Variants in EPM2A observed in about 807,000 individuals in gnomAD.
EPM2A encodes the protein laforin.
Under a neutral mutation model 26.5 loss-of-function variants are expected in EPM2A, and 21 were observed. The ratio of observed to expected loss-of-function variants is 0.79; its 90% CI spans 0.56 to 1.14. The LOEUF (loss-of-function observed/expected upper bound fraction) is 1.14, where lower values mean the gene tolerates loss of function less well. EPM2A is among the 50% of genes most tolerant of loss of function. The pLI is 0.00. For synonymous variants in EPM2A, 217 were observed against 177.6 expected (o/e 1.22, Z -1.76); for missense variants, 458 against 440.8 (o/e 1.04, Z -0.35).
intron 1 of EPM2A, among the ~76,000 whole-genome samples, chr6:145,703,777 T>C (rs1450526120): frequency 6.6e-6 from 1 of 152,216 alleles, no homozygotes; most frequent in Non-Finnish European, 1.5e-5. Flanking sequence ...CAAGTATACT[T>C]TTCTTATTTA....
intron 2 of EPM2A, among the ~76,000 whole-genome samples, chr6:145,584,744 G>T (rs1781165775): frequency 6.6e-6 from 1 of 152,036 alleles, no homozygotes; most frequent in Non-Finnish European, 1.5e-5. Flanking sequence ...GTGTTCAGTA[G>T]CCCCACACAG....
intron 4 of EPM2A, among the ~76,000 whole-genome samples, chr6:145,394,401 A>G (rs140786539): frequency 1.7e-3 from 255 of 152,236 alleles, no homozygotes; most frequent in African/African-American, 5.9e-3. Context: ...TAACACTGAT[A>G]TCTGTCTGAT....
At chr6:145,620,378 C>T (rs1775607458), downstream of EPM2A, among the ~76,000 whole-genome samples, 1 of 152,088 alleles carries the variant, frequency 6.6e-6, no homozygotes, top group Non-Finnish European at 1.5e-5. Flanking sequence ...ACTGACCTGC[C>T]ACTCACTTCC....
chr6:145,586,125 C>T (rs1280061700), intron 2 of EPM2A, among the ~76,000 whole-genome samples: 6 of 152,198 alleles, frequency 3.9e-5, no homozygotes, highest in African/African-American at 1.4e-4. Flanking sequence ...GTTCTACCTT[C>T]CCGGGTTACA....
At chr6:145,514,208 C>G (rs1275434410) in intron 2 of EPM2A, among the ~76,000 whole-genome samples, 1 of 152,184 alleles carries the variant, frequency 6.6e-6, no homozygotes, top group African/African-American at 2.4e-5. Context: ...TTCCACTTCA[C>G]TAGAGGCAGT....
At chr6:145,667,980 C>T (rs1779349355) in intron 2 of EPM2A, among the ~76,000 whole-genome samples, 1 of 139,326 alleles carries the variant, frequency 7.2e-6, no homozygotes, top group Admixed American at 7.9e-5. Context: ...CACATGGACA[C>T]ATGAAGGGGA....
chr6:145,515,137 A>G (rs1780107782), intron 2 of EPM2A, among the ~76,000 whole-genome samples: 1 of 152,200 alleles, frequency 6.6e-6, no homozygotes, highest in African/African-American at 2.4e-5. Context: ...CAAGAAGGGT[A>G]TGGGTATTGT....
chr6:145,624,129 C>T (rs185826767), downstream of EPM2A, among the ~76,000 whole-genome samples: 1 of 152,202 alleles, frequency 6.6e-6, no homozygotes. Flanking sequence ...TCTTCTTTTT[C>T]TAGCAGGTAC....
intron 4 of EPM2A, among the ~76,000 whole-genome samples, chr6:145,438,817 G>A (rs1021112869): frequency 7.9e-5 from 12 of 152,088 alleles, no homozygotes; most frequent in Non-Finnish European, 1.2e-4. Flanking sequence ...TTTAGGTTCA[G>A]GGGCACATTT....
intron 4 of EPM2A, among the ~76,000 whole-genome samples, chr6:145,431,945 G>C (rs1050096671): frequency 2.6e-5 from 4 of 152,146 alleles, no homozygotes; most frequent in African/African-American, 9.7e-5. Context: ...TATAAATGAT[G>C]CTCAGAGCAT....
intron 4 of EPM2A, among the ~76,000 whole-genome samples, chr6:145,488,065 T>C (rs1203878716): frequency 1.5e-5 from 2 of 130,186 alleles, no homozygotes; most frequent in Non-Finnish European, 3.4e-5. Context: ...CACCATTTAT[T>C]GAATAGGGAA....
chr6:145,542,832 C>T (rs1780532165), intron 2 of EPM2A, among the ~76,000 whole-genome samples: 1 of 152,184 alleles, frequency 6.6e-6, no homozygotes, highest in Admixed American at 6.5e-5. Flanking sequence ...AATCTCGGCT[C>T]ACCGCAACCT....
chr6:145,415,959 T>C (rs13215809), intron 4 of EPM2A, among the ~76,000 whole-genome samples: 18,206 of 152,206 alleles, frequency 0.12, 1,155 homozygotes, highest in South Asian at 0.24. Context: ...GACACAGTCA[T>C]ATGCTTCTTG....
chr6:145,730,186 G>C (rs189300894), intron 1 of EPM2A, among the ~76,000 whole-genome samples: 1 of 152,242 alleles, frequency 6.6e-6, no homozygotes, highest in Admixed American at 6.5e-5. Context: ...CCCAATCTCA[G>C]CTACTTCTTT....
chr6:145,681,901 C>T (rs702312), intron 2 of EPM2A, among the ~76,000 whole-genome samples: 151,785 of 152,236 alleles, frequency 1, 75,669 homozygotes, highest in Middle Eastern at 1. Context: ...GTCCTATTTT[C>T]ATACCCCATG....
chr6:145,572,997 A>G (rs1780980711), intron 2 of EPM2A, among the ~76,000 whole-genome samples: 1 of 152,206 alleles, frequency 6.6e-6, no homozygotes, highest in Non-Finnish European at 1.5e-5. Context: ...CTTAGAAGGA[A>G]TATCTCAACA....
At chr6:145,534,463 G>C (rs1467744208) in intron 2 of EPM2A, among the ~76,000 whole-genome samples, 1 of 152,234 alleles carries the variant, frequency 6.6e-6, no homozygotes, top group Non-Finnish European at 1.5e-5. Flanking sequence ...GAGGAATTAA[G>C]AGATAATTGA....
At chr6:145,398,789 G>C (rs1413234363) in intron 4 of EPM2A, among the ~76,000 whole-genome samples, 2 of 151,452 alleles carry the variant, frequency 1.3e-5, no homozygotes, top group Admixed American at 6.6e-5. Flanking sequence ...TAACCCAGAA[G>C]GGAGAGGTTG....
chr6:145,650,589 C>G (rs913047211), intron 2 of EPM2A, among the ~76,000 whole-genome samples: 2 of 151,876 alleles, frequency 1.3e-5, no homozygotes, highest in African/African-American at 4.8e-5. Flanking sequence ...ATAATTACTA[C>G]TATTAATCAA....
Sources: allele counts gnomAD v4.1 joint callset (sites outside exome capture counted in the v4.1 genomes callset), GRCh38; gene constraint gnomAD v4.1.1; transcripts MANE v1.5; gene names NCBI Gene and HGNC (gene_info 2026-07-23, HGNC 2026-07-21).